The following VPS35L variants were observed in gnomAD, a reference collection of about 807,000 sequenced individuals.
The protein encoded by VPS35L is VPS35 endosomal protein-sorting factor-like.
In VPS35L, 83 loss-of-function variants were observed where a neutral mutation model predicts 133.0. That is an observed-to-expected ratio of 0.62 (90% CI 0.52 to 0.75). VPS35L has a LOEUF of 0.75. Ranked by LOEUF, VPS35L falls within the 30% of genes least tolerant of loss-of-function variation. The pLI is 0.00. For synonymous variants in VPS35L, 423 were observed against 449.9 expected, an observed-to-expected ratio of 0.94 and a Z score of 0.76; for missense variants, 1,083 against 1,206.8, an observed-to-expected ratio of 0.90 and a Z score of 1.52.
intron 29 of VPS35L, among the ~76,000 whole-genome samples, chr16:19,693,275 ATG>A (rs139485526): frequency 0.019 from 2,861 of 151,736 alleles, 89 homozygotes; most frequent in African/African-American, 0.064. Context: ...GGGTATGTGG[ATG>A]TGTGTGTTGC....
At position 19,637,640 on chromosome 16, in the gene VPS35L, C is replaced by T; in HGVS notation, c.1682C>T (p.Ser561Leu). The part of the protein sequence containing the change: ...KKVIAHFHDF[S>L]VLFSVEKFLP... ...GTTATTGCCCACTTCCATGACTTCTCAGTTCTTTTCTCAGTGGTAAGTAGG... is the reference window on the plus strand; with the variant it reads ...GTTATTGCCCACTTCCATGACTTCTTAGTTCTTTTCTCAGTGGTAAGTAGG... Residue 561 changes from serine to leucine, a missense_variant, in exon 20 of 31, where the codon TCA becomes TTA. Coordinates refer to ENST00000417362, the MANE Select transcript of VPS35L (RefSeq NM_020314.7). 3 of 1,579,586 alleles carry T rather than the reference C, an allele frequency of 1.9e-6. No individual in the cohort carries two copies. The highest frequency in any genetic ancestry group is 2.6e-6 in the Non-Finnish European group (3 of 1,158,016).
At position 19,581,623 on chromosome 16, in the gene VPS35L, G is replaced by A; in HGVS notation, c.609G>A (p.Gln203=). The change falls in exon 7 of 31, where the codon CAG becomes CAA. Residue 203 remains glutamine, a synonymous_variant. Coordinates refer to ENST00000417362, the MANE Select transcript of VPS35L (RefSeq NM_020314.7). ...QSLKDAWASD[Q]KVKALKIVIQ... is the part of the protein sequence containing the mutation. ...TGAAGGATGCCTGGGCCTCAGACCA[G>A]AAAGTGAAGGCTCTAAAAATAGTCA... The A allele has an allele frequency of 1.2e-6, 2 of 1,614,154 alleles. No individual in the cohort carries two copies. The highest frequency in any genetic ancestry group is 1.7e-6 in the Non-Finnish European group (2 of 1,180,032).
intron 17 of VPS35L, among the ~76,000 whole-genome samples, chr16:19,629,555 G>A (rs1973378372): frequency 6.6e-6 from 1 of 152,108 alleles, no homozygotes; most frequent in African/African-American, 2.4e-5. Context: ...TAACTTTATA[G>A]TGGGCATCCA....
intron 1 of VPS35L, among the ~76,000 whole-genome samples, chr16:19,558,643 G>A (rs1006714216): frequency 6.6e-6 from 1 of 152,138 alleles, no homozygotes; most frequent in African/African-American, 2.4e-5. Flanking sequence ...CCTTTGGACC[G>A]GGCAAGGTGG....
intron 26 of VPS35L, among the ~76,000 whole-genome samples, chr16:19,655,777 A>G (rs1974277856): frequency 6.6e-6 from 1 of 152,184 alleles, no homozygotes; most frequent in Non-Finnish European, 1.5e-5. Flanking sequence ...GGTCGATCAG[A>G]TGCTTCTTAA....
chr16:19,691,119 A>C (rs914182135), intron 28 of VPS35L, among the ~76,000 whole-genome samples: 1 of 152,206 alleles, frequency 6.6e-6, no homozygotes, highest in Non-Finnish European at 1.5e-5. Context: ...CCACGCACAC[A>C]TGGGCTAGAG....
At position 19,666,872 on chromosome 16, in the gene VPS35L, T is replaced by TTTTCTTTCTTTCTTTCTTTC. The variant is rs551438290; in HGVS notation, c.2222-2245_2222-2226dup. On this transcript the variant is annotated intron_variant, in intron 26 of 30. Coordinates refer to ENST00000417362, the MANE Select transcript of VPS35L (RefSeq NM_020314.7). ...GTGGGTTCCATAAGTAGGGCCATGT[T>TTTTCTTTCTTTCTTTCTTTC]TTTCTTTCTTTCTTTCTTTCTTTCT... Among the ~76,000 whole-genome samples the TTTTCTTTCTTTCTTTCTTTC allele has an allele frequency of 1.0e-3, 107 of 106,330 alleles. 2 individuals are homozygous for TTTTCTTTCTTTCTTTCTTTC. Among genetic ancestry groups the TTTTCTTTCTTTCTTTCTTTC allele is most frequent in the African/African-American group, 1.1e-3 (28 of 26,070 alleles). 69.8% of individuals were successfully genotyped at this position (106,330 alleles called of 152,430 possible). A position where few individuals can be genotyped will look rare whatever the true frequency, so the allele number is the denominator to read the frequency against.
intron 18 of VPS35L, among the ~76,000 whole-genome samples, chr16:19,630,747 G>A (rs75674840): frequency 2.0e-5 from 3 of 152,026 alleles, no homozygotes; most frequent in Non-Finnish European, 4.4e-5. Context: ...GTGGAGCCTA[G>A]GTCATGGCAG....
At chr16:19,576,803 T>C (rs1260818760) in intron 5 of VPS35L, among the ~76,000 whole-genome samples, 1 of 151,518 alleles carries the variant, frequency 6.6e-6, no homozygotes, top group African/African-American at 2.4e-5. Context: ...GCCTCCTGGG[T>C]TCAAGCAATT....
chr16:19,698,106 A>C (rs1459050528), intron 29 of VPS35L, among the ~76,000 whole-genome samples: 2 of 152,224 alleles, frequency 1.3e-5, no homozygotes, highest in Non-Finnish European at 2.9e-5. Context: ...GGGTTTCACA[A>C]GGCCAGAATC....
Position 19,691,491 on chromosome 16 carries a change from C to A in VPS35L, c.2646+20C>A. On this transcript the variant is annotated intron_variant, in intron 29 of 30. Transcript: ENST00000417362. ...GACGAGGTGGGTGCCCTCTGCTGTC[C>A]TCCACCCGCCCCTTGCTCTGAAAGC... 6.3e-7 allele frequency: 1 copy of A among 1,574,880 alleles called. No homozygotes were observed. The highest frequency in any genetic ancestry group is 2.2e-5 in the East Asian group (1 of 44,632).
At chr16:19,591,613 C>G (rs1468251709) in intron 7 of VPS35L, among the ~76,000 whole-genome samples, 177 bp from the exon 8 acceptor site, 1 of 152,064 alleles carries the variant, frequency 6.6e-6, no homozygotes, top group African/African-American at 2.4e-5. Flanking sequence ...GTCCGGCTCT[C>G]TCTGTGAAAA....
At chr16:19,607,020 C>CT (rs1972557070) in intron 9 of VPS35L, among the ~76,000 whole-genome samples, 1 of 152,198 alleles carries the variant, frequency 6.6e-6, no homozygotes, top group African/African-American at 2.4e-5. Context: ...CTAATCTTTG[C>CT]TGAAATCATT....
rs57671215 is a variant in VPS35L, at chr16:19,665,969, A to AT, written c.2222-3180dup. Among the ~76,000 whole-genome samples the AT allele has an allele frequency of 4.2e-3, 626 of 149,182 alleles. 4 individuals are homozygous for AT. Among genetic ancestry groups the AT allele is most frequent in the African/African-American group, 0.014 (561 of 40,728 alleles). ...TTTCATATGCTTGTTTGCCATTTGT[A>AT]TTTTTTTTTTTGAGAAACATCTATT... On this transcript the variant is annotated intron_variant, in intron 26 of 30. Transcript: ENST00000417362.
Position 19,637,505 on chromosome 16 carries a change from T to A in VPS35L, c.1636-89T>A, listed in dbSNP as rs956918529. The A allele has an allele frequency of 5.2e-5, 50 of 955,084 alleles. No individual in the cohort carries two copies. The Middle Eastern group carries it at 9.9e-4, about 19-fold the overall frequency. The allele number at this position is 955,084 out of a possible 1,614,324, so 59.2% of individuals were successfully genotyped here. ...AGGTGATTGCCTTTTTAAAAAAAAA[T>A]TTAGGTTTTCCTGAGAGAATGTAAA... On this transcript the variant is annotated intron_variant, in intron 19 of 30. Coordinates refer to ENST00000417362, the MANE Select transcript of VPS35L (RefSeq NM_020314.7).
At chr16:19,622,476 A>T (rs1421150935) in intron 14 of VPS35L, among the ~76,000 whole-genome samples, 1 of 151,994 alleles carries the variant, frequency 6.6e-6, no homozygotes, top group Admixed American at 6.6e-5. Flanking sequence ...GTGAGACTCA[A>T]GTCTCACAGT....
At chr16:19,612,063 C>T (rs771664725) in intron 12 of VPS35L, among the ~76,000 whole-genome samples, 6 of 151,132 alleles carry the variant, frequency 4.0e-5, no homozygotes, top group Non-Finnish European at 8.8e-5. Flanking sequence ...TGCAGCCTCC[C>T]GAGTAGCTGG....
chr16:19,629,619 C>T, intron 17 of VPS35L, 148 bp from the exon 18 acceptor site: 1 of 573,824 alleles, frequency 1.7e-6, no homozygotes, highest in Non-Finnish European at 3.0e-6. Context: ...TAGGATATTC[C>T]TAAATAAAAG....
chr16:19,669,050 G>A (rs771643074), intron 26 of VPS35L, 110 bp from the exon 27 acceptor site: 74 of 1,165,210 alleles, frequency 6.4e-5, no homozygotes, highest in African/African-American at 6.1e-5. Context: ...CCCTCGGCAT[G>A]GCCTGGCTTC....
Sources: allele counts gnomAD v4.1 joint callset (sites outside exome capture counted in the v4.1 genomes callset), GRCh38; gene constraint gnomAD v4.1.1; transcripts MANE v1.5; gene names NCBI Gene and HGNC (gene_info 2026-07-23, HGNC 2026-07-21).